TCEANC2: variants seen among roughly 807,000 people sequenced by gnomAD.
The protein encoded by TCEANC2 is transcription elongation factor A N-terminal and central domain-containing protein 2.
A neutral mutation model predicts 22.8 loss-of-function variants in TCEANC2; 20 were observed. That is an observed-to-expected ratio of 0.88 (90% CI 0.62 to 1.28). The LOEUF (loss-of-function observed/expected upper bound fraction) is 1.28. TCEANC2 is among the 50% of genes most tolerant of loss of function. TCEANC2 has a pLI of 0.00. For missense variants in TCEANC2, 251 were observed against 249.7 expected, an observed-to-expected ratio of 1.01 and a Z score of -0.03; for synonymous variants, 84 against 95.5, an observed-to-expected ratio of 0.88 and a Z score of 0.70.
chr1:54,068,923 T>G (rs757285120), intron 3 of TCEANC2, 26 bp downstream of exon 3: 45 of 1,514,820 alleles, frequency 3.0e-5, no homozygotes, highest in Non-Finnish European at 3.9e-5. Flanking sequence ...ATTTTATTTT[T>G]TAAGAAAGCT....
chr1:54,054,317 T>C (rs1362044556), intron 1 of TCEANC2, 64 bp from the exon 2 acceptor site: 3 of 1,529,560 alleles, frequency 2.0e-6, no homozygotes, highest in East Asian at 2.4e-5. Flanking sequence ...TTGTGTTACT[T>C]TGGGGAAAAA....
chr1:54,096,764 A>C lies in TCEANC2; in HGVS notation c.*291A>C. 8.9e-7 allele frequency: 1 copy of C among 1,118,184 alleles called. No homozygotes were observed. The allele number at this position is 1,118,184 out of a possible 1,614,324, so 69.3% of individuals were successfully genotyped here. On this transcript the variant is annotated 3_prime_UTR_variant, in exon 5 of 5. Transcript: ENST00000234827. This position sits in a 1 kb window ranked among gnomAD's most constrained non-coding sequence, Gnocchi z 4.9. Reference sequence around the variant, plus strand: ...ACATGGTGAAAGGGTGATGGATTTCACTGTGAATATGCCAAGGACACCTCT... The same window carrying C: ...ACATGGTGAAAGGGTGATGGATTTCCCTGTGAATATGCCAAGGACACCTCT...
At chr1:54,079,772 C>G (rs1658204484) in intron 3 of TCEANC2, among the ~76,000 whole-genome samples, 1 of 152,164 alleles carries the variant, frequency 6.6e-6, no homozygotes, top group Non-Finnish European at 1.5e-5. Context: ...AACGTAGTCA[C>G]AGATTCTGAG....
intron 2 of TCEANC2, among the ~76,000 whole-genome samples, chr1:54,065,865 G>A (rs1657945239): frequency 1.3e-5 from 2 of 151,948 alleles, no homozygotes; most frequent in Admixed American, 1.3e-4. Context: ...GATCAGTTGA[G>A]GCCAGGAGTT....
chr1:54,071,460 C>T (rs1254197634), intron 3 of TCEANC2, among the ~76,000 whole-genome samples: 1 of 152,078 alleles, frequency 6.6e-6, no homozygotes, highest in Non-Finnish European at 1.5e-5. Context: ...TCATGTGGGC[C>T]TCTCCTTGGA....
At chr1:54,107,402 C>T (rs955604287), downstream of TCEANC2, among the ~76,000 whole-genome samples, 1 of 152,118 alleles carries the variant, frequency 6.6e-6, no homozygotes, top group African/African-American at 2.4e-5. Flanking sequence ...TGCTTGGTTA[C>T]GTTAGTTTTT....
chr1:54,056,473 C>T (rs532078909), intron 2 of TCEANC2, among the ~76,000 whole-genome samples: 1 of 151,938 alleles, frequency 6.6e-6, no homozygotes, highest in Non-Finnish European at 1.5e-5. Flanking sequence ...TTACAGGTGC[C>T]CGCCACCACG....
intron 4 of TCEANC2, among the ~76,000 whole-genome samples, chr1:54,094,157 C>T (rs973735191): frequency 2.6e-5 from 4 of 152,176 alleles, no homozygotes; most frequent in Non-Finnish European, 5.9e-5. Context: ...CACCTTTTGT[C>T]GGCTAGACTA....
At chr1:54,074,185 C>T (rs565508784) in intron 3 of TCEANC2, among the ~76,000 whole-genome samples, 12 of 152,032 alleles carry the variant, frequency 7.9e-5, no homozygotes, top group Non-Finnish European at 1.2e-4. Context: ...GATAAGCTGC[C>T]GGGCGCAGTG....
At position 54,088,799 on chromosome 1, in the gene TCEANC2, C is replaced by T. The variant is rs753154074; in HGVS notation, c.438+9C>T. 3.2e-6 allele frequency: 5 copies of T among 1,555,808 alleles called. No individual in the cohort carries two copies. The highest frequency in any genetic ancestry group is 2.3e-5 in the East Asian group (1 of 43,718). On this transcript the variant is annotated intron_variant, in intron 4 of 4. Transcript: ENST00000234827. ...AAGCCTTGGAATTAAAGGTAATGCC[C>T]TAAATATATACAACTGTTATGTACC...
intron 3 of TCEANC2, among the ~76,000 whole-genome samples, chr1:54,083,846 T>C (rs1305577425): frequency 2.0e-5 from 3 of 152,178 alleles, no homozygotes; most frequent in Non-Finnish European, 4.4e-5. Flanking sequence ...TAAGGCTTTT[T>C]TCTTTGCATA....
At chr1:54,056,727 A>G (rs1361894103) in intron 2 of TCEANC2, among the ~76,000 whole-genome samples, 2 of 152,030 alleles carry the variant, frequency 1.3e-5, no homozygotes, top group Admixed American at 6.6e-5. Context: ...AAAATAAATG[A>G]TGTGAAAATT....
intron 2 of TCEANC2, among the ~76,000 whole-genome samples, chr1:54,055,009 A>C (rs988793272): frequency 6.6e-6 from 1 of 151,944 alleles, no homozygotes; most frequent in Non-Finnish European, 1.5e-5. Context: ...ACAGGGTCTC[A>C]CTCTGTCACC....
chr1:54,087,671 TCA>T (rs2100380540), intron 3 of TCEANC2, among the ~76,000 whole-genome samples: 1 of 152,324 alleles, frequency 6.6e-6, no homozygotes, highest in South Asian at 2.1e-4. Context: ...GGGATTTGAA[TCA>T]CACGTCGCAT....
chr1:54,054,675 G>A (rs1657711688), intron 2 of TCEANC2, 151 bp downstream of exon 2: 14 of 761,708 alleles, frequency 1.8e-5, no homozygotes, highest in Non-Finnish European at 2.6e-5. Context: ...TTCGCCCATA[G>A]CTGTACAGAC....
chr1:54,091,428 G>A (rs1407028060), intron 4 of TCEANC2, among the ~76,000 whole-genome samples: 1 of 152,164 alleles, frequency 6.6e-6, no homozygotes, highest in African/African-American at 2.4e-5. Context: ...TTGGGTTTAA[G>A]TTATTGGCCC....
chr1:54,055,208 A>C (rs953051124), intron 2 of TCEANC2, among the ~76,000 whole-genome samples: 96 of 151,678 alleles, frequency 6.3e-4, no homozygotes, highest in African/African-American at 2.2e-3. Flanking sequence ...AAAATGATCC[A>C]CCCGCCTCTT....
intron 2 of TCEANC2, among the ~76,000 whole-genome samples, chr1:54,059,827 G>A (rs112425075): frequency 1.1e-4 from 16 of 152,312 alleles, no homozygotes; most frequent in African/African-American, 3.6e-4. Context: ...CCGTTGTAGG[G>A]TTTTGATAGT....
At position 54,098,909 on chromosome 1, in the gene TCEANC2, A is replaced by T. The variant is rs1658605654; in HGVS notation, c.*2436A>T. ...GGCAGAGCAAGCAGAGTATGGAAAA[A>T]CCCAGAAGTGGAGATATCTGGAAGG... On this transcript the variant is annotated 3_prime_UTR_variant, in exon 5 of 5. Coordinates refer to ENST00000234827, the MANE Select transcript of TCEANC2 (RefSeq NM_153035.3). 1.3e-5 allele frequency: 2 copies of T among 152,220 alleles called. No homozygotes were observed. Among genetic ancestry groups the T allele is most frequent in the Admixed American group, 6.5e-5 (1 of 15,270 alleles). 9.4% of individuals were successfully genotyped at this position (152,220 alleles called of 1,614,324 possible).
Sources: gnomAD v4.1 joint callset for allele counts (sites outside exome capture counted in the v4.1 genomes callset) on GRCh38, gnomAD v4.1.1 for gene constraint, Gnocchi (gnomAD v3.1) non-coding constraint, MANE v1.5 for transcripts, NCBI Gene and HGNC (gene_info 2026-07-23, HGNC 2026-07-21) for gene names.